GALNT18: variants seen among roughly 807,000 people sequenced by gnomAD.
GALNT18 encodes the protein GalNAc-transferase 18.
In GALNT18, 44 loss-of-function variants were observed where a neutral mutation model predicts 69.5. That is an observed-to-expected ratio of 0.63 (90% CI 0.50 to 0.81). The LOEUF (loss-of-function observed/expected upper bound fraction) is 0.81, where lower values mean the gene tolerates loss of function less well. Ranked by LOEUF, GALNT18 falls within the 40% of genes least tolerant of loss-of-function variation. The pLI, the probability that GALNT18 is intolerant of heterozygous loss-of-function variation, is 0.00. For synonymous variants in GALNT18, 364 were observed against 318.2 expected (o/e 1.14, Z -1.53); for missense variants, 715 against 810.0 (o/e 0.88, Z 1.42).
At position 11,497,748 on chromosome 11, in the gene GALNT18, T is replaced by TTATA. The variant is rs1554943800; in HGVS notation, c.236-48813_236-48812insTATA. ...AAATGTGTATGTGCATATACATATTTTCTATATATATATATATATACACAC... is the reference window on the plus strand; with the variant it reads ...AAATGTGTATGTGCATATACATATTTTATATCTATATATATATATATATACACAC... On this transcript the variant is annotated intron_variant, in intron 1 of 10. Transcript: ENST00000227756. This position sits in a 1 kb window ranked among gnomAD's most constrained non-coding sequence, Gnocchi z 4.2. 2.1e-5 allele frequency among the ~76,000 whole-genome samples: 1 copy of TTATA among 46,900 alleles called. No homozygotes were observed. The highest frequency in any genetic ancestry group is 4.4e-5 in the Non-Finnish European group (1 of 22,606). The allele number at this position is 46,900 out of a possible 152,430, so 30.8% of individuals were successfully genotyped here.
At chr11:11,431,076 G>A (rs1855252561) in intron 3 of GALNT18, among the ~76,000 whole-genome samples, 1 of 152,090 alleles carries the variant, frequency 6.6e-6, no homozygotes, top group African/African-American at 2.4e-5. Context: ...AGTCCAAATG[G>A]CATCCTTAAG....
chr11:11,420,866 G>A (rs865835639), intron 3 of GALNT18, among the ~76,000 whole-genome samples: 1 of 152,148 alleles, frequency 6.6e-6, no homozygotes, highest in Non-Finnish European at 1.5e-5. Context: ...CTCCAGTTTG[G>A]GGACTTTCCC....
intron 1 of GALNT18, among the ~76,000 whole-genome samples, chr11:11,449,238 C>T (rs1450707925): frequency 6.6e-6 from 1 of 152,164 alleles, no homozygotes; most frequent in African/African-American, 2.4e-5. Context: ...CCCTTTTTCC[C>T]CAGTCTGCCT....
At chr11:11,462,697 G>C (rs1382153883) in intron 1 of GALNT18, among the ~76,000 whole-genome samples, 1 of 152,172 alleles carries the variant, frequency 6.6e-6, no homozygotes. Flanking sequence ...TCAGATCACT[G>C]ATTGTGGCTT....
intron 1 of GALNT18, among the ~76,000 whole-genome samples, chr11:11,499,736 T>C (rs572762313): frequency 4.5e-4 from 69 of 152,336 alleles, no homozygotes; most frequent in African/African-American, 1.6e-3. Context: ...GTGCCCTAGC[T>C]ATACCTCTTC....
rs1023534866 is a variant in GALNT18, at chr11:11,429,651, C to T, written c.595+2970G>A. 7.2e-5 allele frequency among the ~76,000 whole-genome samples: 11 copies of T among 152,284 alleles called. No individual in the cohort carries two copies. The East Asian group carries it at 1.2e-3, about 16-fold the overall frequency. The stretch of plus-strand genomic sequence containing the variant: ...TTTTCCAGAGAGAGAGAGAAAGAGA[C>T]GCTGAGAGGCTGAGGGACTTTTCCG... On this transcript the variant is annotated intron_variant, in intron 3 of 10. Transcript: ENST00000227756.
At chr11:11,422,199 T>C (rs1259263619) in intron 3 of GALNT18, among the ~76,000 whole-genome samples, 2 of 152,158 alleles carry the variant, frequency 1.3e-5, no homozygotes, top group African/African-American at 4.8e-5. Context: ...TATAAGTCAT[T>C]ACAGTAAGAG....
Position 11,432,289 on chromosome 11 carries a change from C to T in GALNT18, c.595+332G>A, listed in dbSNP as rs192181308. Among the ~76,000 whole-genome samples the T allele has an allele frequency of 1.1e-3, 173 of 152,316 alleles. No individual in the cohort carries two copies. The highest frequency in any genetic ancestry group is 2.2e-3 in the Non-Finnish European group (149 of 68,038). ...TGGAACCCTACTAGGTGAAATGATG[C>T]ATCATGGAAAAGAGTCACTGGACAT... On this transcript the variant is annotated intron_variant, in intron 3 of 10. Transcript: ENST00000227756. This position sits in a 1 kb window ranked among gnomAD's most constrained non-coding sequence, Gnocchi z 5.8.
chr11:11,485,368 A>G (rs1339581419), intron 1 of GALNT18, among the ~76,000 whole-genome samples: 1 of 152,166 alleles, frequency 6.6e-6, no homozygotes, highest in African/African-American at 2.4e-5. Context: ...CGGTGTGATT[A>G]ATCTGCTAGG....
chr11:11,568,297 A>G (rs1018198193), intron 1 of GALNT18, among the ~76,000 whole-genome samples: 4 of 152,078 alleles, frequency 2.6e-5, no homozygotes, highest in Non-Finnish European at 5.9e-5. Context: ...ATTACCCTTC[A>G]ATACAGGAGT....
intron 1 of GALNT18, among the ~76,000 whole-genome samples, chr11:11,456,618 A>G (rs974809107): frequency 2.7e-4 from 41 of 152,166 alleles, no homozygotes; most frequent in Non-Finnish European, 4.9e-4. Flanking sequence ...CATTCCTGTC[A>G]GTTGGTTAGT....
At chr11:11,526,317 T>C (rs1857523751) in intron 1 of GALNT18, among the ~76,000 whole-genome samples, 1 of 152,156 alleles carries the variant, frequency 6.6e-6, no homozygotes, top group Admixed American at 6.5e-5. Context: ...GTTTGTGTGA[T>C]GGTAGAATAG....
intron 1 of GALNT18, among the ~76,000 whole-genome samples, chr11:11,577,369 C>G (rs1158539065): frequency 6.6e-6 from 1 of 152,176 alleles, no homozygotes; most frequent in Admixed American, 6.5e-5. Context: ...CCCTGCTGTC[C>G]AGCCCTGCTC....
At chr11:11,324,649 G>A (rs1355840712) in intron 9 of GALNT18, among the ~76,000 whole-genome samples, 1 of 147,580 alleles carries the variant, frequency 6.8e-6, no homozygotes. Flanking sequence ...GCATTTCCCT[G>A]ATGATTAGTG....
rs1349045078 is a variant in GALNT18 at position 11,413,052 on chromosome 11, G to A, written c.595+19569C>T. 2.6e-5 allele frequency among the ~76,000 whole-genome samples: 4 copies of A among 152,166 alleles called. No homozygotes were observed. Among genetic ancestry groups the A allele is most frequent in the Non-Finnish European group, 4.4e-5 (3 of 68,034 alleles). ...AAAGGATTAAGATCTTCCCACAGTG[G>A]TGCCTGGCAGCTCTTATTGGTGGTC... On this transcript the variant is annotated intron_variant, in intron 3 of 10. Transcript: ENST00000227756. This position sits in a 1 kb window ranked among gnomAD's most constrained non-coding sequence, Gnocchi z 4.7.
At position 11,452,088 on chromosome 11, in the gene GALNT18, AG is replaced by A. The variant is rs989245520; in HGVS notation, c.236-3153del. ...ATCTGATTCTTTAAAAACAAAAAAA[AG>A]TGTGCCACCCCCAACATTTTCCCGA... On this transcript the variant is annotated intron_variant, in intron 1 of 10. Transcript: ENST00000227756. Among the ~76,000 whole-genome samples the A allele has an allele frequency of 3.3e-5, 5 of 152,342 alleles. No individual in the cohort carries two copies. In the South Asian group the frequency reaches 1.0e-3, roughly 32 times the overall value.
At chr11:11,576,030 A>G (rs1194925374) in intron 1 of GALNT18, among the ~76,000 whole-genome samples, 1 of 152,248 alleles carries the variant, frequency 6.6e-6, no homozygotes, top group Non-Finnish European at 1.5e-5. Context: ...AACAAACTCA[A>G]GGTCACATAG....
intron 9 of GALNT18, among the ~76,000 whole-genome samples, chr11:11,305,133 A>C (rs556843885): frequency 1.1e-3 from 172 of 152,166 alleles, no homozygotes; most frequent in Middle Eastern, 3.4e-3. Flanking sequence ...TATGCAACGA[A>C]GAGACGGTTG....
intron 3 of GALNT18, among the ~76,000 whole-genome samples, chr11:11,394,870 T>A (rs556679098): frequency 4.1e-4 from 62 of 152,290 alleles, no homozygotes; most frequent in Admixed American, 6.5e-4. Flanking sequence ...CATTCTGAGT[T>A]AGAGTAGCCA....
Sources: gnomAD v4.1 joint callset for allele counts (sites outside exome capture counted in the v4.1 genomes callset) on GRCh38, gnomAD v4.1.1 for gene constraint, Gnocchi (gnomAD v3.1) non-coding constraint, MANE v1.5 for transcripts, NCBI Gene and HGNC (gene_info 2026-07-23, HGNC 2026-07-21) for gene names.